CATSPERB: variants seen among roughly 807,000 people sequenced by gnomAD.
CATSPERB encodes the protein cation channel sperm-associated auxiliary subunit beta.
Under a neutral mutation model 128.3 loss-of-function variants are expected in CATSPERB, and 93 were observed. The ratio of observed to expected loss-of-function variants is 0.72; its 90% CI spans 0.61 to 0.86. CATSPERB has a LOEUF of 0.86. Among genes scored for constraint, CATSPERB ranks in the 40% least tolerant of loss-of-function variants. The probability of loss-of-function intolerance (pLI) is 0.00; values close to 1 mark genes in which losing one functional copy is unlikely to be tolerated. For synonymous variants in CATSPERB, 381 were observed against 448.8 expected (o/e 0.85, Z 1.91); for missense variants, 1,153 against 1,329.5 (o/e 0.87, Z 2.06).
intron 16 of CATSPERB, among the ~76,000 whole-genome samples, chr14:91,638,361 T>C (rs1894417243): frequency 6.6e-6 from 1 of 151,672 alleles, no homozygotes; most frequent in African/African-American, 2.4e-5. Context: ...GGGAGAAGGG[T>C]TAATAGGAAA....
chr14:91,590,952 C>T (rs1893388236), intron 23 of CATSPERB, among the ~76,000 whole-genome samples: 1 of 152,094 alleles, frequency 6.6e-6, no homozygotes, highest in African/African-American at 2.4e-5. Flanking sequence ...AGCCCGGCCT[C>T]TAGATGTCTT....
In CATSPERB at chr14:91,708,162, T is replaced by A; in HGVS notation, c.445A>T (p.Thr149Ser). The A allele has an allele frequency of 6.2e-7, 1 of 1,609,490 alleles. No homozygotes were observed. Among genetic ancestry groups the A allele is most frequent in the South Asian group, 1.1e-5 (1 of 90,728 alleles). The change falls in exon 6 of 27, where the codon ACT (threonine) becomes TCT (serine). Residue 149 changes from threonine to serine, a missense_variant. Thr to Ser is a moderately conservative substitution (Grantham distance 58). Transcript: ENST00000256343. ...TTACCTCGAATAACATCCAATAGAG[T>A]TCCTTCAGTAGCATAAATATTTAGT... The part of the protein sequence containing the change: ...HGLNIYATEG[T>S]LLDVIREPIL...
intron 6 of CATSPERB, 121 bp from the exon 7 acceptor site, chr14:91,704,822 C>A (rs949733191): frequency 7.6e-6 from 7 of 927,000 alleles, no homozygotes; most frequent in Non-Finnish European, 1.1e-5. Flanking sequence ...AAAAAAGGTG[C>A]ATTACCTCAC....
chr14:91,708,795 C>A (rs1436120178), intron 5 of CATSPERB, among the ~76,000 whole-genome samples: 1 of 152,168 alleles, frequency 6.6e-6, no homozygotes, highest in African/African-American at 2.4e-5. Context: ...TCTAAAATAT[C>A]ATCTAAAAGA....
intron 13 of CATSPERB, 142 bp downstream of exon 13, chr14:91,672,725 T>G (rs1895120002): frequency 1.6e-6 from 1 of 626,376 alleles, no homozygotes; most frequent in East Asian, 2.9e-5. Flanking sequence ...CAAGCTATAT[T>G]ATTGATTTTA....
intron 18 of CATSPERB, among the ~76,000 whole-genome samples, chr14:91,623,350 G>A (rs978755538): frequency 2.6e-5 from 4 of 152,000 alleles, no homozygotes; most frequent in Middle Eastern, 3.2e-3. Flanking sequence ...CTCTGACCAG[G>A]CCACCCAATA....
rs532303013 is a variant in CATSPERB, at chr14:91,682,648, T to C, written c.931+1229A>G. 5.3e-4 allele frequency among the ~76,000 whole-genome samples: 81 copies of C among 152,278 alleles called. 1 individual carries two copies. The highest frequency in any genetic ancestry group is 2.7e-3 in the South Asian group (13 of 4,808). ...CCTTACCTACCAGGATGAATCCTGT[T>C]CCATCTAGACTCTGCCTGCCAACTG... On this transcript the variant is annotated intron_variant, in intron 11 of 26. Coordinates refer to ENST00000256343, the MANE Select transcript of CATSPERB (RefSeq NM_024764.4).
chr14:91,594,351 T>G (rs886998143), intron 22 of CATSPERB, among the ~76,000 whole-genome samples: 8 of 151,864 alleles, frequency 5.3e-5, no homozygotes, highest in Non-Finnish European at 8.8e-5. Flanking sequence ...GGGGGAGGGA[T>G]AGCATTAGGA....
intron 10 of CATSPERB, among the ~76,000 whole-genome samples, chr14:91,688,204 T>A (rs1034919413): frequency 4.6e-5 from 7 of 152,176 alleles, no homozygotes; most frequent in African/African-American, 1.4e-4. Flanking sequence ...AGATGAATAA[T>A]CTCTTGTCTG....
intron 17 of CATSPERB, chr14:91,636,022 TACTC>T (rs1186940147): frequency 6.4e-6 from 1 of 156,428 alleles, no homozygotes; most frequent in East Asian, 1.8e-4. Flanking sequence ...AAAAAATACT[TACTC>T]TATTTGACCA....
chr14:91,689,561 CA>C (rs1384198065), intron 10 of CATSPERB, among the ~76,000 whole-genome samples: 4 of 152,094 alleles, frequency 2.6e-5, no homozygotes, highest in African/African-American at 9.7e-5. Context: ...ATCTTTTCTT[CA>C]GTTTCCTATA....
intron 10 of CATSPERB, among the ~76,000 whole-genome samples, chr14:91,687,161 G>A (rs1198793631): frequency 6.6e-6 from 1 of 152,124 alleles, no homozygotes; most frequent in African/African-American, 2.4e-5. Context: ...GGAAAAATCA[G>A]GGTGAATATA....
chr14:91,587,983 T>G lies in CATSPERB; in HGVS notation c.3052A>C (p.Ile1018Leu). The change falls in exon 25 of 27, where the codon ATA becomes CTA. Residue 1018 changes from isoleucine to leucine, a missense_variant. Ile to Leu is a conservative substitution (Grantham distance 5). Transcript: ENST00000256343. The stretch of plus-strand genomic sequence containing the variant: ...AACAACAATGCCATCATTACCTTTA[T>G]GCTTAAGTTGAGACCTGAAGGATTA... The part of the protein sequence containing the change: ...VYNPSGLNLS[I>L]KGSELFHFRV... The G allele has an allele frequency of 6.3e-7, 1 of 1,594,946 alleles. No individual in the cohort carries two copies. The highest frequency in any genetic ancestry group is 8.6e-7 in the Non-Finnish European group (1 of 1,163,860).
At chr14:91,672,721 A>G in intron 13 of CATSPERB, 146 bp downstream of exon 13, 2 of 616,990 alleles carry the variant, frequency 3.2e-6, no homozygotes, top group Non-Finnish European at 5.5e-6. Context: ...GTGTCAAGCT[A>G]TATTATTGAT....
chr14:91,682,621 A>G (rs1163088564), intron 11 of CATSPERB, among the ~76,000 whole-genome samples: 1 of 152,048 alleles, frequency 6.6e-6, no homozygotes, highest in Non-Finnish European at 1.5e-5. Context: ...ATCTGGGAGC[A>G]CCCTTACCTA....
intron 7 of CATSPERB, among the ~76,000 whole-genome samples, chr14:91,703,384 C>A (rs756015172): frequency 2.6e-5 from 4 of 152,088 alleles, no homozygotes; most frequent in Non-Finnish European, 5.9e-5. Context: ...AACATTTGGT[C>A]TTTGGCCCCA....
At chr14:91,667,986 A>G (rs560520992) in intron 14 of CATSPERB, among the ~76,000 whole-genome samples, 1 of 152,306 alleles carries the variant, frequency 6.6e-6, no homozygotes, top group African/African-American at 2.4e-5. Context: ...ACCCCAAATG[A>G]GCTCAACTAA....
In CATSPERB at chr14:91,591,875, A is replaced by C. The variant is rs1422552917; in HGVS notation, c.2820+17T>G. 1.3e-6 allele frequency: 2 copies of C among 1,541,546 alleles called. No individual in the cohort carries two copies. The highest frequency in any genetic ancestry group is 1.8e-6 in the Non-Finnish European group (2 of 1,113,992). ...TAAGAAAGTATCCTGTATTCAGGTAATTAGAAATGATCTTACTTTTTCCCT... is the reference window on the plus strand; with the variant it reads ...TAAGAAAGTATCCTGTATTCAGGTACTTAGAAATGATCTTACTTTTTCCCT... On this transcript the variant is annotated intron_variant, in intron 23 of 26. Coordinates refer to ENST00000256343, the MANE Select transcript of CATSPERB (RefSeq NM_024764.4).
chr14:91,614,074 C>T (rs1249116413), intron 20 of CATSPERB, among the ~76,000 whole-genome samples: 3 of 152,202 alleles, frequency 2.0e-5, no homozygotes, highest in South Asian at 4.1e-4. Flanking sequence ...CCTTGCCGCA[C>T]GTCTCTTGGC....
Sources: allele counts gnomAD v4.1 joint callset (sites outside exome capture counted in the v4.1 genomes callset), GRCh38; gene constraint gnomAD v4.1.1; transcripts MANE v1.5; gene names NCBI Gene and HGNC (gene_info 2026-07-23, HGNC 2026-07-21).